Variants in C1orf21 observed in about 807,000 individuals in gnomAD.
C1orf21 encodes uncharacterized protein C1orf21.
A neutral mutation model predicts 18.7 loss-of-function variants in C1orf21; 3 were observed. The observed-to-expected ratio is 0.16, with a 90% CI of 0.07 to 0.42. The LOEUF is 0.42. Ranked by LOEUF, C1orf21 falls within the 10% of genes least tolerant of loss-of-function variation. The pLI is 0.99. For synonymous variants in C1orf21, 41 were observed against 46.4 expected (o/e 0.88, Z 0.47); for missense variants, 104 against 143.6 (o/e 0.72, Z 1.41).
chr1:184,466,198 G>A (rs1197446455), intron 1 of C1orf21, among the ~76,000 whole-genome samples: 2 of 152,186 alleles, frequency 1.3e-5, no homozygotes, highest in East Asian at 1.9e-4. Flanking sequence ...CTTTAATAGT[G>A]TTTCAGCTGA....
intron 2 of C1orf21, among the ~76,000 whole-genome samples, chr1:184,484,506 C>G (rs1036556990): frequency 2.0e-5 from 3 of 152,162 alleles, no homozygotes; most frequent in African/African-American, 7.2e-5. Flanking sequence ...CTCTTGTGAG[C>G]TGGTTAGCTC....
In C1orf21 at chr1:184,559,312, G is replaced by A. The variant is rs142773969; in HGVS notation, c.190-31427G>A. 1.2e-4 allele frequency among the ~76,000 whole-genome samples: 18 copies of A among 152,126 alleles called. No individual in the cohort carries two copies. In the East Asian group the frequency reaches 3.5e-3, roughly 30 times the overall value. On this transcript the variant is annotated intron_variant, in intron 3 of 5. Coordinates refer to ENST00000235307, the MANE Select transcript of C1orf21 (RefSeq NM_030806.4). ...CCTGCTCCTGCTTTCACCACCTGAA[G>A]TGCCTATTCCTGCCTCACTTTCTGC...
At chr1:184,407,711 G>T (rs543195775) in intron 1 of C1orf21, among the ~76,000 whole-genome samples, 2 of 152,058 alleles carry the variant, frequency 1.3e-5, no homozygotes, top group Non-Finnish European at 2.9e-5. Flanking sequence ...GAGTGGTGGG[G>T]GAAGAGGAAA....
At chr1:184,426,584 G>A (rs1007724313) in intron 1 of C1orf21, among the ~76,000 whole-genome samples, 3 of 152,056 alleles carry the variant, frequency 2.0e-5, no homozygotes, top group African/African-American at 7.2e-5. Flanking sequence ...TCTTGAAACG[G>A]TCTTCCTCCT....
intron 1 of C1orf21, among the ~76,000 whole-genome samples, chr1:184,419,263 GA>G (rs1656508349): frequency 6.6e-6 from 1 of 152,200 alleles, no homozygotes; most frequent in Non-Finnish European, 1.5e-5. Flanking sequence ...AAGATAAAAT[GA>G]GAAGACATGT....
chr1:184,419,215 CA>C (rs1436434882), intron 1 of C1orf21, among the ~76,000 whole-genome samples: 1 of 152,154 alleles, frequency 6.6e-6, no homozygotes, highest in Non-Finnish European at 1.5e-5. Flanking sequence ...TCCTCTGTAA[CA>C]TTTGGATAAT....
chr1:184,393,023 C>G (rs1411309226), intron 1 of C1orf21, among the ~76,000 whole-genome samples: 2 of 151,704 alleles, frequency 1.3e-5, no homozygotes, highest in Non-Finnish European at 2.9e-5. Flanking sequence ...GAGATGAGGT[C>G]TTGCCATGTC....
At chr1:184,556,970 T>C (rs999723437) in intron 3 of C1orf21, among the ~76,000 whole-genome samples, 1 of 152,226 alleles carries the variant, frequency 6.6e-6, no homozygotes, top group Non-Finnish European at 1.5e-5. Context: ...CCAAAATGGC[T>C]GGTATTTTTT....
At chr1:184,602,517 G>T (rs1230040356) in intron 5 of C1orf21, among the ~76,000 whole-genome samples, 1 of 152,108 alleles carries the variant, frequency 6.6e-6, no homozygotes, top group African/African-American at 2.4e-5. Context: ...ATGATTCACA[G>T]GCTCCTAGAA....
intron 1 of C1orf21, among the ~76,000 whole-genome samples, chr1:184,436,035 C>T (rs572876206): frequency 1.3e-5 from 2 of 151,984 alleles, no homozygotes; most frequent in South Asian, 4.2e-4. Flanking sequence ...AGACCAAAGC[C>T]CAACAGGAGT....
At chr1:184,619,367 GACGTA>G (rs1454179049) in intron 5 of C1orf21, 146 bp from the exon 6 acceptor site, 2 of 753,644 alleles carry the variant, frequency 2.7e-6, no homozygotes, top group East Asian at 5.5e-5. Flanking sequence ...ATGTATTTAT[GACGTA>G]GCTACCCCTG....
chr1:184,548,255 A>ACACT (rs1491258683), intron 3 of C1orf21, among the ~76,000 whole-genome samples: 14 of 143,956 alleles, frequency 9.7e-5, no homozygotes, highest in Non-Finnish European at 2.1e-4. Flanking sequence ...ACACACACAC[A>ACACT]CTCACACACT....
At chr1:184,469,674 C>G (rs10911598) in intron 1 of C1orf21, among the ~76,000 whole-genome samples, 19,644 of 152,200 alleles carry the variant, frequency 0.13, 1,569 homozygotes, top group East Asian at 0.25. Context: ...TCACTATACT[C>G]TCCATCAGCA....
chr1:184,446,684 T>C (rs1037752858), intron 1 of C1orf21, among the ~76,000 whole-genome samples: 6 of 151,848 alleles, frequency 4.0e-5, no homozygotes, highest in African/African-American at 1.5e-4. Flanking sequence ...CCAGTTTCAG[T>C]GTATGGAGCT....
chr1:184,467,058 T>C (rs988550077), intron 1 of C1orf21, among the ~76,000 whole-genome samples: 2 of 152,200 alleles, frequency 1.3e-5, no homozygotes, highest in Admixed American at 6.5e-5. Context: ...AGATTCTCTA[T>C]GATGGCCCAG....
chr1:184,513,113 G>A (rs2101966146), intron 3 of C1orf21, among the ~76,000 whole-genome samples: 1 of 152,272 alleles, frequency 6.6e-6, no homozygotes, highest in South Asian at 2.1e-4. Context: ...ACCCTGGTCT[G>A]TGAAAAAAAT....
chr1:184,463,100 A>AAG (rs1553251403), intron 1 of C1orf21, among the ~76,000 whole-genome samples: 49 of 151,318 alleles, frequency 3.2e-4, no homozygotes, highest in African/African-American at 1.1e-3. Flanking sequence ...AAAAAAAAAA[A>AAG]AAGAAGAAGA....
Position 184,588,975 on chromosome 1 carries a change from CCTTA to C in C1orf21, c.190-1759_190-1756del, listed in dbSNP as rs555733063. Among the ~76,000 whole-genome samples the C allele has an allele frequency of 3.7e-4, 56 of 152,218 alleles. 1 individual carries two copies. The East Asian group carries it at 0.01, about 28-fold the overall frequency. On this transcript the variant is annotated intron_variant, in intron 3 of 5. Transcript: ENST00000235307. The stretch of plus-strand genomic sequence containing the variant: ...GCCTCTGTTGTTTGGGGAGATCCTT[CCTTA>C]CTTAGCAACCACAGAATGGGTTTTT...
intron 1 of C1orf21, among the ~76,000 whole-genome samples, chr1:184,456,200 G>C (rs149251495): frequency 6.6e-6 from 1 of 152,292 alleles, no homozygotes; most frequent in East Asian, 1.9e-4. Context: ...TGAAACCTTA[G>C]CTTCTCTATT....
Sources: allele counts gnomAD v4.1 joint callset (sites outside exome capture counted in the v4.1 genomes callset), GRCh38; gene constraint gnomAD v4.1.1; transcripts MANE v1.5; gene names NCBI Gene and HGNC (gene_info 2026-07-23, HGNC 2026-07-21).